Variants in GTF2A1L observed in about 807,000 individuals in gnomAD.
The protein encoded by GTF2A1L is TFIIA-alpha and beta-like factor.
A neutral mutation model predicts 49.7 loss-of-function variants in GTF2A1L; 48 were observed. The observed-to-expected ratio is 0.97, with a 90% CI of 0.77 to 1.23. The LOEUF is 1.23. GTF2A1L is among the 50% of genes most tolerant of loss of function. GTF2A1L has a pLI of 0.00. For missense variants in GTF2A1L, 736 were observed against 564.8 expected (o/e 1.30, Z -3.07); for synonymous variants, 246 against 193.5 (o/e 1.27, Z -2.25).
intron 6 of GTF2A1L, among the ~76,000 whole-genome samples, chr2:48,651,076 G>A (rs542155739): frequency 2.6e-5 from 4 of 152,074 alleles, no homozygotes; most frequent in African/African-American, 4.8e-5. Flanking sequence ...TGGATTTGGC[G>A]AACAAAGCTT....
chr2:48,643,046 G>A (rs1253721042), intron 4 of GTF2A1L, among the ~76,000 whole-genome samples: 3 of 152,138 alleles, frequency 2.0e-5, no homozygotes, highest in African/African-American at 7.2e-5. Flanking sequence ...TATGTTGTAT[G>A]GGGTTTTAAT....
chr2:48,645,753 A>G (rs1677462256), intron 5 of GTF2A1L, among the ~76,000 whole-genome samples: 1 of 152,126 alleles, frequency 6.6e-6, no homozygotes, highest in Admixed American at 6.5e-5. Flanking sequence ...GGTTCACGCC[A>G]TTCTCCTGCC....
chr2:48,620,589 C>A (rs1675928347), intron 1 of GTF2A1L, among the ~76,000 whole-genome samples: 1 of 151,726 alleles, frequency 6.6e-6, no homozygotes, highest in African/African-American at 2.4e-5. Flanking sequence ...ACCAGCCTGA[C>A]CATCATGGTG....
At chr2:48,644,866 C>T (rs770141597) in intron 4 of GTF2A1L, among the ~76,000 whole-genome samples, 167 bp from the exon 5 acceptor site, 3 of 151,928 alleles carry the variant, frequency 2.0e-5, no homozygotes, top group African/African-American at 4.8e-5. Flanking sequence ...ATGGGATGAT[C>T]GATATTGAAA....
intron 1 of GTF2A1L, among the ~76,000 whole-genome samples, chr2:48,619,980 A>G (rs1056528719): frequency 6.6e-6 from 1 of 152,188 alleles, no homozygotes; most frequent in African/African-American, 2.4e-5. Context: ...GGTGTATTTG[A>G]TAATGGTCCA....
chr2:48,628,307 G>A (rs926902434), intron 3 of GTF2A1L, among the ~76,000 whole-genome samples: 1 of 144,048 alleles, frequency 6.9e-6, no homozygotes, highest in South Asian at 2.4e-4. Context: ...CCAAACTGTT[G>A]TCCACAGTGG....
chr2:48,669,436 A>G (rs1432874854), intron 6 of GTF2A1L, among the ~76,000 whole-genome samples: 1 of 152,230 alleles, frequency 6.6e-6, no homozygotes, highest in African/African-American at 2.4e-5. Flanking sequence ...TATAAATTTA[A>G]GACGGTATGT....
chr2:48,646,494 A>G lies in GTF2A1L; in HGVS notation c.430A>G (p.Thr144Ala). Residue 144 changes from threonine (T) to alanine (A), a missense_variant, in exon 6 of 9, where the codon ACT becomes GCT. Physicochemically the swap from Thr to Ala is moderately conservative, Grantham distance 58. Transcript: ENST00000403751. The part of the protein sequence containing the change: ...KVNVPIMVTE[T>A]SGRAGILQHP... ...CAATGTACCAATTATGGTGACAGAG[A>G]CTTCTGGAAGAGCAGGTATTCTTCA... The G allele has an allele frequency of 6.2e-7, 1 of 1,613,270 alleles. No individual in the cohort carries two copies. Among genetic ancestry groups the G allele is most frequent in the South Asian group, 1.1e-5 (1 of 90,880 alleles).
intron 1 of GTF2A1L, among the ~76,000 whole-genome samples, chr2:48,619,445 G>C (rs1010935887): frequency 6.6e-6 from 1 of 150,802 alleles, no homozygotes; most frequent in Non-Finnish European, 1.5e-5. Context: ...ACTCCAGCCT[G>C]GGTGACAGAG....
rs1228884583 is a variant in GTF2A1L at position 48,620,942 on chromosome 2, A to G, written c.113A>G (p.Asp38Gly). The G allele has an allele frequency of 6.3e-7, 1 of 1,597,774 alleles. No individual in the cohort carries two copies. The highest frequency in any genetic ancestry group is 8.5e-7 in the Non-Finnish European group (1 of 1,175,254). ...EEGIEEQVLK[D>G]LKQLWETKVL... is the part of the protein sequence containing the mutation. The stretch of plus-strand genomic sequence containing the variant: ...GGTATAGAGGAACAAGTTTTAAAAG[A>G]CTTGAAGCAGGTTTGTAGCCGATAC... Residue 38 changes from aspartate (D) to glycine (G), a missense_variant, in exon 2 of 9, where the codon GAC (aspartate) becomes GGC (glycine). By Grantham distance (94) the Asp-to-Gly change is moderately conservative. Transcript: ENST00000403751.
chr2:48,659,688 T>C (rs1005716681), intron 6 of GTF2A1L, among the ~76,000 whole-genome samples: 3 of 152,140 alleles, frequency 2.0e-5, no homozygotes, highest in African/African-American at 7.2e-5. Context: ...CTTTTGCCTC[T>C]GTGGTTCTGT....
intron 5 of GTF2A1L, among the ~76,000 whole-genome samples, chr2:48,646,231 A>G (rs1677496654): frequency 1.3e-5 from 2 of 152,098 alleles, no homozygotes; most frequent in Non-Finnish European, 2.9e-5. Context: ...CTGGAATTAA[A>G]GCAAAACATA....
intron 4 of GTF2A1L, among the ~76,000 whole-genome samples, chr2:48,642,914 A>C (rs1367885056): frequency 6.6e-6 from 1 of 151,918 alleles, no homozygotes; most frequent in Admixed American, 6.6e-5. Flanking sequence ...CATCTGTAGC[A>C]TAGATGTAAT....
chr2:48,637,199 T>G (rs898916971), intron 3 of GTF2A1L, among the ~76,000 whole-genome samples: 5 of 152,220 alleles, frequency 3.3e-5, no homozygotes, highest in African/African-American at 1.2e-4. Context: ...TCCTGAATCA[T>G]GTAATTTTAT....
chr2:48,619,759 A>C (rs922768474), intron 1 of GTF2A1L, among the ~76,000 whole-genome samples: 4 of 152,184 alleles, frequency 2.6e-5, no homozygotes, highest in African/African-American at 4.8e-5. Context: ...GTTTATATAG[A>C]TATGAAGGGC....
chr2:48,655,104 A>G (rs1572747687), intron 6 of GTF2A1L, among the ~76,000 whole-genome samples: 5 of 152,224 alleles, frequency 3.3e-5, no homozygotes, highest in South Asian at 4.1e-4. Flanking sequence ...CGTCTTCACA[A>G]TATTGAGTCT....
At chr2:48,639,710 TA>T (rs1347002009) in intron 3 of GTF2A1L, among the ~76,000 whole-genome samples, 1 of 152,186 alleles carries the variant, frequency 6.6e-6, no homozygotes, top group African/African-American at 2.4e-5. Flanking sequence ...GAGATCTAAT[TA>T]AACTTAAGAG....
rs1181171880 is a variant in GTF2A1L at position 48,669,734 on chromosome 2, C to T, written c.991C>T (p.Gln331Ter). 1.2e-6 allele frequency: 2 copies of T among 1,607,018 alleles called. No homozygotes were observed. The highest frequency in any genetic ancestry group is 1.3e-5 in the African/African-American group (1 of 74,742). ...IPVSEKDSNS[Q>*]VDLSIRVTDD... Reference sequence around the variant, plus strand: ...TTTCTCTTTTTAGGATTCTAATTCTCAGGTGGATTTAAGCATTCGGGTTAC... The same window carrying T: ...TTTCTCTTTTTAGGATTCTAATTCTTAGGTGGATTTAAGCATTCGGGTTAC... Residue 331 changes from glutamine to a stop codon, truncating the protein, a stop_gained, in exon 7 of 9, where the codon CAG becomes TAG. Transcript: ENST00000403751. LOFTEE classifies it high-confidence loss of function.
At chr2:48,657,580 T>C (rs762899999) in intron 6 of GTF2A1L, among the ~76,000 whole-genome samples, 9 of 152,136 alleles carry the variant, frequency 5.9e-5, no homozygotes, top group Non-Finnish European at 1.0e-4. Flanking sequence ...GCAGGTACGT[T>C]TTTGGTAGAA....
Sources: gnomAD v4.1 joint callset for allele counts (sites outside exome capture counted in the v4.1 genomes callset) on GRCh38, gnomAD v4.1.1 for gene constraint, MANE v1.5 for transcripts, NCBI Gene and HGNC (gene_info 2026-07-23, HGNC 2026-07-21) for gene names.